Variants in NPEPPS observed in about 807,000 individuals in gnomAD.
NPEPPS encodes the protein puromycin-sensitive aminopeptidase.
A neutral mutation model predicts 115.5 loss-of-function variants in NPEPPS; 14 were observed. That is an observed-to-expected ratio of 0.12 (90% CI 0.08 to 0.19). The LOEUF is 0.19. Among genes scored for constraint, NPEPPS ranks in the 10% least tolerant of loss-of-function variants. The pLI is 1.00. For missense variants in NPEPPS, 523 were observed against 1,110.8 expected (o/e 0.47, Z 7.52); for synonymous variants, 285 against 390.6 (o/e 0.73, Z 3.19).
At position 47,619,088 on chromosome 17, in the gene NPEPPS, G is replaced by A; in HGVS notation, c.2483G>A (p.Trp828Ter). ...AGCAAGCATGGTAGGAAAGCTGCTT[G>A]GAAATTCATAAAGGACAACTGGGAA... ...GGSKHGRKAA[W>*]KFIKDNWEEL... Residue 828 changes from tryptophan to a stop codon, truncating the protein, a stop_gained, in exon 21 of 23, where the codon TGG (tryptophan) becomes TAG (stop). Transcript: ENST00000322157. LOFTEE classifies it high-confidence loss of function. 1 of 1,613,886 alleles carries A rather than the reference G, an allele frequency of 6.2e-7. No individual in the cohort carries two copies. The highest frequency in any genetic ancestry group is 8.5e-7 in the Non-Finnish European group (1 of 1,179,850).
At chr17:47,548,609 T>G (rs1183420899) in intron 2 of NPEPPS, among the ~76,000 whole-genome samples, 20 of 149,948 alleles carry the variant, frequency 1.3e-4, no homozygotes, top group Non-Finnish European at 2.1e-4. Flanking sequence ...TTTTTTTTTT[T>G]TTGAGATGGA....
chr17:47,587,057 T>A, intron 8 of NPEPPS, 173 bp from the exon 9 acceptor site: 1 of 547,760 alleles, frequency 1.8e-6, no homozygotes, highest in Non-Finnish European at 3.2e-6. Flanking sequence ...GTATTAATTC[T>A]GTTGGGGTAG....
intron 1 of NPEPPS, among the ~76,000 whole-genome samples, chr17:47,523,746 T>A (rs1003347862): frequency 5.9e-5 from 9 of 152,092 alleles, no homozygotes; most frequent in African/African-American, 2.2e-4. Context: ...TTTAAGAAAT[T>A]CTCAAACCAC....
At chr17:47,603,270 G>C (rs1490096240) in intron 15 of NPEPPS, among the ~76,000 whole-genome samples, 1 of 152,072 alleles carries the variant, frequency 6.6e-6, no homozygotes, top group African/African-American at 2.4e-5. Flanking sequence ...AAATTAGCTG[G>C]GTGTGGTGGC....
chr17:47,596,078 G>A (rs1300246740), intron 12 of NPEPPS: 6 of 226,740 alleles, frequency 2.6e-5, no homozygotes, highest in African/African-American at 1.4e-4. Flanking sequence ...ACCTGAGTCT[G>A]GGAGGTCGAG....
intron 1 of NPEPPS, among the ~76,000 whole-genome samples, chr17:47,526,068 C>A (rs1183561351): frequency 6.6e-6 from 1 of 151,994 alleles, no homozygotes; most frequent in African/African-American, 2.4e-5. Context: ...AAAAATTAGC[C>A]AGACATGGTG....
chr17:47,533,942 C>G (rs1486768652), intron 1 of NPEPPS, among the ~76,000 whole-genome samples: 1 of 152,006 alleles, frequency 6.6e-6, no homozygotes, highest in Non-Finnish European at 1.5e-5. Context: ...TTAAATTGTA[C>G]TAATTGACAT....
rs1555612989 is a variant in NPEPPS at position 47,613,279 on chromosome 17, T to TTTC, written c.2239-388_2239-386dup. Among the ~76,000 whole-genome samples, 43 of 143,814 alleles carry TTTC rather than the reference T, an allele frequency of 3.0e-4. 1 individual carries two copies. The highest frequency in any genetic ancestry group is 1.1e-3 in the East Asian group (5 of 4,712). 94.3% of individuals were successfully genotyped at this position (143,814 alleles called of 152,430 possible). On this transcript the variant is annotated intron_variant, in intron 18 of 22. Coordinates refer to ENST00000322157, the MANE Select transcript of NPEPPS (RefSeq NM_006310.4). Reference sequence around the variant, plus strand: ...TTACTTTTTTTTTTTTTTTTTTTTTTTTCTGAGACGGAGTCTCACTCTGTT... The same window carrying TTTC: ...TTACTTTTTTTTTTTTTTTTTTTTTTTTCTTCTGAGACGGAGTCTCACTCTGTT...
chr17:47,598,830 A>T (rs1913027143), intron 13 of NPEPPS, among the ~76,000 whole-genome samples: 1 of 152,018 alleles, frequency 6.6e-6, no homozygotes, highest in African/African-American at 2.4e-5. Context: ...GCACGGCCAA[A>T]CTCATCCTCC....
At chr17:47,615,749 A>G (rs1914163176) in intron 19 of NPEPPS, among the ~76,000 whole-genome samples, 2 of 152,198 alleles carry the variant, frequency 1.3e-5, no homozygotes, top group South Asian at 2.1e-4. Context: ...TGGCAGATAC[A>G]TTGATATTTT....
chr17:47,527,432 C>T (rs1273142728), upstream of NPEPPS, among the ~76,000 whole-genome samples: 4 of 150,950 alleles, frequency 2.6e-5, no homozygotes, highest in South Asian at 2.1e-4. Flanking sequence ...TGCAGTGAGC[C>T]GAGCTCACAC....
At chr17:47,604,974 A>T (rs1185595126) in intron 16 of NPEPPS, among the ~76,000 whole-genome samples, 1 of 152,204 alleles carries the variant, frequency 6.6e-6, no homozygotes, top group East Asian at 1.9e-4. Flanking sequence ...AAAGTATGAA[A>T]AATTTCAAAA....
intron 2 of NPEPPS, among the ~76,000 whole-genome samples, chr17:47,556,175 AAAC>A (rs1407024037): frequency 6.7e-6 from 1 of 150,332 alleles, no homozygotes; most frequent in African/African-American, 2.5e-5. Context: ...GTCAGCAGAT[AAAC>A]AAGTGAACAA....
chr17:47,574,558 A>T (rs1232248107), intron 3 of NPEPPS, among the ~76,000 whole-genome samples: 1 of 152,198 alleles, frequency 6.6e-6, no homozygotes, highest in African/African-American at 2.4e-5. Flanking sequence ...AAGTGCCTCA[A>T]AAATATTAAT....
chr17:47,598,602 C>CA (rs984818676), intron 13 of NPEPPS, among the ~76,000 whole-genome samples: 4 of 151,888 alleles, frequency 2.6e-5, no homozygotes, highest in Non-Finnish European at 2.9e-5. Context: ...TCTACCAAAA[C>CA]AAAAAAACAA....
At chr17:47,586,857 C>A in intron 8 of NPEPPS, 2 of 437,724 alleles carry the variant, frequency 4.6e-6, no homozygotes, top group Non-Finnish European at 9.0e-6. Context: ...ACAGCCGGCT[C>A]AGTGCTGTTT....
intron 3 of NPEPPS, among the ~76,000 whole-genome samples, chr17:47,575,815 A>C (rs1378883133): frequency 6.6e-6 from 1 of 151,984 alleles, no homozygotes; most frequent in South Asian, 2.1e-4. Flanking sequence ...TCACTGTGTT[A>C]GCCAGGATGG....
intron 4 of NPEPPS, chr17:47,581,593 T>G (rs1418229931): frequency 6.6e-6 from 1 of 152,220 alleles, no homozygotes; most frequent in East Asian, 1.9e-4. Context: ...CTCTCCCTTC[T>G]TTTCAGATGT....
chr17:47,535,544 C>G (rs553330285), intron 1 of NPEPPS, among the ~76,000 whole-genome samples: 2 of 114,636 alleles, frequency 1.7e-5, no homozygotes, highest in South Asian at 7.1e-4. Context: ...AGCGAGGCTC[C>G]GTCTCAAAAA....
Sources: allele counts gnomAD v4.1 joint callset (sites outside exome capture counted in the v4.1 genomes callset), GRCh38; gene constraint gnomAD v4.1.1; transcripts MANE v1.5; gene names NCBI Gene and HGNC (gene_info 2026-07-23, HGNC 2026-07-21).